Variants in DERPC observed in about 807,000 individuals in gnomAD.
DERPC encodes the protein decreased expression in renal and prostate cancer protein.
Under a neutral mutation model 7.2 loss-of-function variants are expected in DERPC, and 1 was observed. The observed-to-expected ratio is 0.14, with a 90% CI of 0.05 to 0.66. The LOEUF is 0.66. Among genes scored for constraint, DERPC ranks in the 30% least tolerant of loss-of-function variants. The pLI is 0.84. For missense variants in DERPC, 502 were observed against 299.4 expected (o/e 1.68, Z -4.99); for synonymous variants, 185 against 117.6 (o/e 1.57, Z -3.71).
chr16:69,123,709 G>A (rs978368425), intron 1 of DERPC, among the ~76,000 whole-genome samples: 3 of 152,134 alleles, frequency 2.0e-5, no homozygotes, highest in Non-Finnish European at 4.4e-5. Context: ...CATCTTTAGT[G>A]AATGGTAAGC....
Position 69,118,022 on chromosome 16 carries a change from C to CATTT in DERPC, c.*828_*831dup, listed in dbSNP as rs1296586581. 2.9e-6 allele frequency: 1 copy of CATTT among 344,180 alleles called. No homozygotes were observed. The highest frequency in any genetic ancestry group is 2.1e-5 in the African/African-American group (1 of 48,110). The allele number at this position is 344,180 out of a possible 1,614,324, so 21.3% of individuals were successfully genotyped here. ...AGTGACACCAGCAGCCCTCTCATCC[C>CATTT]ATTTATTAAAGAAACAGTAAGAAAA... On this transcript the variant is annotated 3_prime_UTR_variant, in exon 3 of 3. Coordinates refer to ENST00000519520, the MANE Select transcript of DERPC (RefSeq NM_001002847.4).
At chr16:69,129,025 C>A (rs1962293724) in intron 1 of DERPC, among the ~76,000 whole-genome samples, 1 of 151,912 alleles carries the variant, frequency 6.6e-6, no homozygotes, top group Non-Finnish European at 1.5e-5. Flanking sequence ...GACTGTGCCA[C>A]TGCACTCTAG....
chr16:69,131,934 T>C (rs1385535007), intron 1 of DERPC, among the ~76,000 whole-genome samples: 1 of 151,734 alleles, frequency 6.6e-6, no homozygotes, highest in Non-Finnish European at 1.5e-5. Context: ...ATTACAAATG[T>C]TACCTGGAAC....
At chr16:69,127,222 A>G (rs1962131161) in intron 1 of DERPC, among the ~76,000 whole-genome samples, 1 of 151,852 alleles carries the variant, frequency 6.6e-6, no homozygotes, top group Non-Finnish European at 1.5e-5. Context: ...TGGGCAACAA[A>G]GAGCAAAACT....
chr16:69,121,013 T>C, intron 2 of DERPC: 1 of 1,567,150 alleles, frequency 6.4e-7, no homozygotes, highest in Non-Finnish European at 8.8e-7. Context: ...TGTAGCTTGC[T>C]TTCCTGAGGC....
intron 1 of DERPC, among the ~76,000 whole-genome samples, chr16:69,126,789 C>G (rs1453147910): frequency 6.6e-6 from 1 of 152,152 alleles, no homozygotes; most frequent in Non-Finnish European, 1.5e-5. Context: ...CTTAAAATAT[C>G]CTGTAACACC....
At chr16:69,130,628 A>G (rs1466916304) in intron 1 of DERPC, among the ~76,000 whole-genome samples, 1 of 152,196 alleles carries the variant, frequency 6.6e-6, no homozygotes, top group Non-Finnish European at 1.5e-5. Flanking sequence ...ACCTATTTTG[A>G]AAGGCTGTTG....
At position 69,127,234 on chromosome 16, in the gene DERPC, C is replaced by T. The variant is rs1031270464; in HGVS notation, c.-280+5250G>A. ...GCCTGGGCAACAAAGAGCAAAACTCCGTCTCAAAAAAAAAAAAAAGCATAT... is the reference window on the plus strand; with the variant it reads ...GCCTGGGCAACAAAGAGCAAAACTCTGTCTCAAAAAAAAAAAAAAGCATAT... On this transcript the variant is annotated intron_variant, in intron 1 of 2. Transcript: ENST00000519520. Among the ~76,000 whole-genome samples, 12 of 149,470 alleles carry T rather than the reference C, an allele frequency of 8.0e-5. No individual in the cohort carries two copies. In the East Asian group the frequency reaches 9.8e-4, roughly 12 times the overall value.
At chr16:69,126,723 G>A (rs916832766) in intron 1 of DERPC, among the ~76,000 whole-genome samples, 18 of 152,210 alleles carry the variant, frequency 1.2e-4, no homozygotes, top group African/African-American at 4.3e-4. Context: ...TTTACTACTA[G>A]TCAGGAACGT....
chr16:69,128,448 T>A (rs912835775), intron 1 of DERPC, among the ~76,000 whole-genome samples: 4 of 152,240 alleles, frequency 2.6e-5, no homozygotes, highest in African/African-American at 9.6e-5. Flanking sequence ...ACCAAACCTT[T>A]CCCTGCAATA....
At chr16:69,121,549 C>G (rs1283492977) in intron 1 of DERPC, 56 bp from the exon 2 acceptor site, 2 of 1,038,924 alleles carry the variant, frequency 1.9e-6, no homozygotes, top group African/African-American at 3.2e-5. Flanking sequence ...AATAATGACA[C>G]CTAATGCAAC....
chr16:69,118,687 T>A lies in DERPC; in HGVS notation c.*167A>T, dbSNP rs1961363493. ...CAGTTCACATGCCACAAATAACATCTCACCTTCAGTCAAGAAAAACGCAAA... is the reference window on the plus strand; with the variant it reads ...CAGTTCACATGCCACAAATAACATCACACCTTCAGTCAAGAAAAACGCAAA... On this transcript the variant is annotated 3_prime_UTR_variant, in exon 3 of 3. Coordinates refer to ENST00000519520, the MANE Select transcript of DERPC (RefSeq NM_001002847.4). The A allele has an allele frequency of 1.2e-5, 8 of 662,450 alleles. No individual in the cohort carries two copies. Among genetic ancestry groups the A allele is most frequent in the Non-Finnish European group, 1.9e-5 (7 of 366,998 alleles). 41.0% of individuals were successfully genotyped at this position (662,450 alleles called of 1,614,324 possible). A position where few individuals can be genotyped will look rare whatever the true frequency, so the allele number is the denominator to read the frequency against.
Position 69,119,042 on chromosome 16 carries a change from G to A in DERPC, c.1387C>T (p.Pro463Ser). The A allele has an allele frequency of 1.4e-6, 1 of 703,068 alleles. No individual in the cohort carries two copies. Among genetic ancestry groups the A allele is most frequent in the Non-Finnish European group, 2.6e-6 (1 of 385,032 alleles). 43.6% of individuals were successfully genotyped at this position (703,068 alleles called of 1,614,324 possible). A position where few individuals can be genotyped will look rare whatever the true frequency, so the allele number is the denominator to read the frequency against. Residue 463 changes from proline to serine, a missense_variant, in exon 3 of 3, where the codon CCT (proline) becomes TCT (serine). Physicochemically the swap from Pro to Ser is moderately conservative, Grantham distance 74 (BLOSUM62 -1). Coordinates refer to ENST00000519520, the MANE Select transcript of DERPC (RefSeq NM_001002847.4). ...PAGPVGINPA[P>S]FTRPTGTLGL... ...AGGGTCCCAGTTGGCCTTGTGAAAG[G>A]AGCTGGGTTGATACCCACAGGGCCA...
In DERPC at chr16:69,118,946, C is replaced by T; in HGVS notation, c.1483G>A (p.Val495Met). Residue 495 changes from valine to methionine, a missense_variant, in exon 3 of 3, where the codon GTG (valine) becomes ATG (methionine). Val to Met is a conservative substitution (Grantham distance 21). Transcript: ENST00000519520. ...AGKSFVPFPR[V>M]GSLPGTNPAA... is the part of the protein sequence containing the mutation. Reference sequence around the variant, plus strand: ...GGGTTTGTGCCAGGGAGGCTCCCCACTCTAGGAAATGGGACGAAACTCTTG... The same window carrying T: ...GGGTTTGTGCCAGGGAGGCTCCCCATTCTAGGAAATGGGACGAAACTCTTG... 1 of 703,046 alleles carries T rather than the reference C, an allele frequency of 1.4e-6. No homozygotes were observed. Among genetic ancestry groups the T allele is most frequent in the South Asian group, 1.5e-5 (1 of 67,596 alleles). The allele number at this position is 703,046 out of a possible 1,614,324, so 43.6% of individuals were successfully genotyped here. A position where few individuals can be genotyped will look rare whatever the true frequency, so the allele number is the denominator to read the frequency against.
rs535016481 is a variant in DERPC, at chr16:69,121,792, C to T, written c.-279-299G>A. Among the ~76,000 whole-genome samples, 9 of 152,264 alleles carry T rather than the reference C, an allele frequency of 5.9e-5. No individual in the cohort carries two copies. The East Asian group carries it at 1.4e-3, about 23-fold the overall frequency. On this transcript the variant is annotated intron_variant, in intron 1 of 2. Transcript: ENST00000519520. ...ATGCCATTCTCCTGCCTCAGCCTCC[C>T]GAGTAGCTGGGACTACAGGTGCCCG...
rs1220194471 is a variant in DERPC at position 69,118,738 on chromosome 16, G to A, written c.*116C>T. ...GGAAAAAGATGGCTCATTTGAACTT[G>A]AGCCCAAGCTATGTTCTTCAGACTG... On this transcript the variant is annotated 3_prime_UTR_variant, in exon 3 of 3. Transcript: ENST00000519520. The A allele has an allele frequency of 1.6e-6, 1 of 639,648 alleles. No individual in the cohort carries two copies. The highest frequency in any genetic ancestry group is 2.4e-5 in the Admixed American group (1 of 40,976). The allele number at this position is 639,648 out of a possible 1,614,324, so 39.6% of individuals were successfully genotyped here.
chr16:69,125,001 T>C (rs556832477), intron 1 of DERPC, among the ~76,000 whole-genome samples: 11 of 152,132 alleles, frequency 7.2e-5, no homozygotes, highest in Non-Finnish European at 1.3e-4. Context: ...ACCTCCCGAA[T>C]TCAAGCAATT....
Position 69,118,046 on chromosome 16 carries a change from A to AAGAT in DERPC, c.*804_*807dup, listed in dbSNP as rs1961283544. 4.7e-6 allele frequency: 2 copies of AAGAT among 423,222 alleles called. No homozygotes were observed. The highest frequency in any genetic ancestry group is 8.6e-6 in the Non-Finnish European group (2 of 231,820). 26.2% of individuals were successfully genotyped at this position (423,222 alleles called of 1,614,324 possible). On this transcript the variant is annotated 3_prime_UTR_variant, in exon 3 of 3. Coordinates refer to ENST00000519520, the MANE Select transcript of DERPC (RefSeq NM_001002847.4). Reference sequence around the variant, plus strand: ...CCATTTATTAAAGAAACAGTAAGAAAAGATACAATGCAGGAAAACCACCAA... The same window carrying AAGAT: ...CCATTTATTAAAGAAACAGTAAGAAAAGATAGATACAATGCAGGAAAACCACCAA...
intron 1 of DERPC, among the ~76,000 whole-genome samples, chr16:69,126,412 C>T (rs1962059900): frequency 6.6e-6 from 1 of 152,178 alleles, no homozygotes; most frequent in African/African-American, 2.4e-5. Flanking sequence ...CATACCAATC[C>T]CCCATGCCTC....
Sources: allele counts gnomAD v4.1 joint callset (sites outside exome capture counted in the v4.1 genomes callset), GRCh38; gene constraint gnomAD v4.1.1; transcripts MANE v1.5; gene names NCBI Gene and HGNC (gene_info 2026-07-23, HGNC 2026-07-21).